Variants in YBX1 observed in about 807,000 individuals in gnomAD.
YBX1 encodes Y-box-binding protein 1.
In YBX1, 3 loss-of-function variants were observed where a neutral mutation model predicts 41.4. The ratio of observed to expected loss-of-function variants is 0.07; its 90% CI spans 0.03 to 0.19. The LOEUF is 0.19. Ranked by LOEUF, YBX1 falls within the 10% of genes least tolerant of loss-of-function variation. The pLI is 1.00. For synonymous variants in YBX1, 133 were observed against 165.8 expected (o/e 0.80, Z 1.52); for missense variants, 274 against 462.8 (o/e 0.59, Z 3.74).
At position 42,697,368 on chromosome 1, in the gene YBX1, C is replaced by G. The variant is rs561935525; in HGVS notation, c.740+106C>G. On this transcript the variant is annotated intron_variant, in intron 6 of 7. Transcript: ENST00000321358. Reference sequence around the variant, plus strand: ...GACTCATTTTTCTGTTAACACTTCACGTTTTCTTTCATCAGATGCCTAAGA... The same window carrying G: ...GACTCATTTTTCTGTTAACACTTCAGGTTTTCTTTCATCAGATGCCTAAGA... 4.6e-6 allele frequency: 5 copies of G among 1,087,094 alleles called. No homozygotes were observed. The African/African-American group carries it at 8.0e-5, about 17-fold the overall frequency. 67.3% of individuals were successfully genotyped at this position (1,087,094 alleles called of 1,614,324 possible).
intron 2 of YBX1, among the ~76,000 whole-genome samples, chr1:42,689,750 TA>T (rs1259303716): frequency 6.6e-6 from 1 of 152,346 alleles, no homozygotes; most frequent in African/African-American, 2.4e-5. Context: ...TTTGACTTAC[TA>T]AAAAGTTTTC....
chr1:42,697,723 G>T (rs1650496388), intron 6 of YBX1, among the ~76,000 whole-genome samples: 1 of 151,978 alleles, frequency 6.6e-6, no homozygotes, highest in Non-Finnish European at 1.5e-5. Context: ...AAATGAAATT[G>T]CTCCACCAAG....
chr1:42,690,696 CCT>C (rs2148737702), intron 2 of YBX1, among the ~76,000 whole-genome samples: 2 of 152,278 alleles, frequency 1.3e-5, no homozygotes, highest in South Asian at 4.1e-4. Context: ...CTTGTTCATA[CCT>C]CTCATCTTTA....
chr1:42,691,000 C>G (rs114178622), intron 2 of YBX1, among the ~76,000 whole-genome samples: 1 of 152,150 alleles, frequency 6.6e-6, no homozygotes, highest in African/African-American at 2.4e-5. Context: ...GAGAGTGACA[C>G]CTGCACCCAG....
chr1:42,683,291 C>T (rs760142551), intron 1 of YBX1, 112 bp from the exon 2 acceptor site: 5 of 1,257,496 alleles, frequency 4.0e-6, no homozygotes, highest in Middle Eastern at 1.9e-4. Flanking sequence ...AGAGAAAGGG[C>T]TGTCAGGTGG....
At chr1:42,694,533 A>C (rs556648285) in intron 3 of YBX1, among the ~76,000 whole-genome samples, 21 of 152,324 alleles carry the variant, frequency 1.4e-4, no homozygotes, top group African/African-American at 4.8e-4. Flanking sequence ...CTCACATTTA[A>C]TTAGATACTA....
At chr1:42,684,720 C>T (rs944613521) in intron 2 of YBX1, among the ~76,000 whole-genome samples, 1 of 152,108 alleles carries the variant, frequency 6.6e-6, no homozygotes, top group African/African-American at 2.4e-5. Flanking sequence ...CTACGTTTTT[C>T]ATTAATTTTT....
At position 42,701,965 on chromosome 1, in the gene YBX1, AT is replaced by A; in HGVS notation, c.*32-9del. The A allele has an allele frequency of 6.5e-6, 1 of 154,230 alleles. No individual in the cohort carries two copies. 9.6% of individuals were successfully genotyped at this position (154,230 alleles called of 1,614,324 possible). A position where few individuals can be genotyped will look rare whatever the true frequency, so the allele number is the denominator to read the frequency against. On this transcript the variant is annotated splice_polypyrimidine_tract_variant and intron_variant, in intron 7 of 7. Coordinates refer to ENST00000321358, the MANE Select transcript of YBX1 (RefSeq NM_004559.5). ...CCATGAATTCTACATGATCATCTTT[AT>A]TTTTTTCTTTACAGTTTAGTCATCC...
At chr1:42,693,679 G>A (rs754947460) in intron 3 of YBX1, among the ~76,000 whole-genome samples, 156 bp downstream of exon 3, 4 of 152,180 alleles carry the variant, frequency 2.6e-5, no homozygotes, top group Admixed American at 1.3e-4. Context: ...AAATGTATAC[G>A]TGGAAATGTG....
chr1:42,701,084 G>GT, intron 7 of YBX1, 38 bp downstream of exon 7: 2 of 1,496,530 alleles, frequency 1.3e-6, no homozygotes, highest in Non-Finnish European at 1.8e-6. Flanking sequence ...TATGGCAGTC[G>GT]TGAGTGGTGA....
At chr1:42,687,149 A>C (rs1650215055) in intron 2 of YBX1, among the ~76,000 whole-genome samples, 1 of 152,226 alleles carries the variant, frequency 6.6e-6, no homozygotes, top group Non-Finnish European at 1.5e-5. Flanking sequence ...CATGTAGGTC[A>C]GCTATACAAA....
chr1:42,683,376 C>T (rs753302378), intron 1 of YBX1, 27 bp from the exon 2 acceptor site: 2 of 1,614,106 alleles, frequency 1.2e-6, no homozygotes, highest in Admixed American at 3.3e-5. Flanking sequence ...GTAATCGTGG[C>T]TTGTTTTGCT....
intron 2 of YBX1, among the ~76,000 whole-genome samples, chr1:42,691,928 G>A (rs1046222181): frequency 2.0e-5 from 3 of 151,966 alleles, no homozygotes; most frequent in Admixed American, 6.6e-5. Flanking sequence ...GCAGCTCACT[G>A]TAACCTCCGC....
At chr1:42,687,377 A>C (rs941289942) in intron 2 of YBX1, among the ~76,000 whole-genome samples, 5 of 151,816 alleles carry the variant, frequency 3.3e-5, no homozygotes, top group African/African-American at 1.2e-4. Flanking sequence ...TCCGCCTCCC[A>C]GGTTCAAGCG....
rs188924693 is a variant in YBX1 at position 42,686,009 on chromosome 1, C to A, written c.230+2543C>A. Among the ~76,000 whole-genome samples, 407 of 152,238 alleles carry A rather than the reference C, an allele frequency of 2.7e-3. 3 individuals are homozygous for A. Among genetic ancestry groups the A allele is most frequent in the Middle Eastern group, 0.014 (4 of 294 alleles). On this transcript the variant is annotated intron_variant, in intron 2 of 7. Coordinates refer to ENST00000321358, the MANE Select transcript of YBX1 (RefSeq NM_004559.5). ...ATTCTAAGAAATTCATTGAGTTATT[C>A]TTTTGTGAACTGTGTCTACAAAACA...
At position 42,696,515 on chromosome 1, in the gene YBX1, C is replaced by A. The variant is rs545513099; in HGVS notation, c.355-127C>A. 7.3e-6 allele frequency: 5 copies of A among 682,980 alleles called. No individual in the cohort carries two copies. Among genetic ancestry groups the A allele is most frequent in the African/African-American group, 5.5e-5 (3 of 54,934 alleles). 42.3% of individuals were successfully genotyped at this position (682,980 alleles called of 1,614,324 possible). ...CACCCCTGGTCACGCAGTTGCGCCC[C>A]CCCCCCCTTTTTTTTCCTTAACTTT... is the stretch of plus-strand genomic sequence containing the variant. On this transcript the variant is annotated intron_variant, in intron 4 of 7. Coordinates refer to ENST00000321358, the MANE Select transcript of YBX1 (RefSeq NM_004559.5). This position sits in a 1 kb window ranked among gnomAD's most constrained non-coding sequence, Gnocchi z 5.7.
At chr1:42,685,590 A>C (rs902847546) in intron 2 of YBX1, among the ~76,000 whole-genome samples, 2 of 152,206 alleles carry the variant, frequency 1.3e-5, no homozygotes, top group Non-Finnish European at 2.9e-5. Flanking sequence ...GGCTGGAGGC[A>C]CCTGTCTCTT....
chr1:42,685,232 A>C (rs929863955), intron 2 of YBX1, among the ~76,000 whole-genome samples: 1 of 152,188 alleles, frequency 6.6e-6, no homozygotes, highest in Non-Finnish European at 1.5e-5. Context: ...ACATTTTTTA[A>C]GTATTTAGTC....
intron 1 of YBX1, chr1:42,683,041 C>G: frequency 2.4e-6 from 1 of 414,416 alleles, no homozygotes; most frequent in Admixed American, 3.0e-5. Context: ...CTCGGGCCCG[C>G]ACGCCGTTGT....
Sources: allele counts gnomAD v4.1 joint callset (sites outside exome capture counted in the v4.1 genomes callset), GRCh38; gene constraint gnomAD v4.1.1; non-coding constraint Gnocchi (gnomAD v3.1); transcripts MANE v1.5; gene names NCBI Gene and HGNC (gene_info 2026-07-23, HGNC 2026-07-21).